LRRC7: variants seen among roughly 807,000 people sequenced by gnomAD.
LRRC7 encodes the protein leucine-rich repeat-containing protein 7.
Under a neutral mutation model 175.7 loss-of-function variants are expected in LRRC7, and 23 were observed. The ratio of observed to expected loss-of-function variants is 0.13; its 90% CI spans 0.09 to 0.19. The LOEUF (loss-of-function observed/expected upper bound fraction) is 0.19, where lower values mean the gene tolerates loss of function less well. Ranked by LOEUF, LRRC7 falls within the 10% of genes least tolerant of loss-of-function variation. The pLI is 1.00. For synonymous variants in LRRC7, 685 were observed against 680.9 expected, an observed-to-expected ratio of 1.01 and a Z score of -0.09; for missense variants, 1,354 against 1,904.7, an observed-to-expected ratio of 0.71 and a Z score of 5.38.
intron 11 of LRRC7, among the ~76,000 whole-genome samples, chr1:70,006,163 A>G (rs914351256): frequency 6.6e-6 from 1 of 152,202 alleles, no homozygotes; most frequent in Non-Finnish European, 1.5e-5. Flanking sequence ...GAGATCATTG[A>G]GGAATATGTG....
intron 4 of LRRC7, 25 bp downstream of exon 4, chr1:69,792,185 A>G (rs1357258708): frequency 7.8e-7 from 1 of 1,284,740 alleles, no homozygotes; most frequent in Non-Finnish European, 1.1e-6. Context: ...TCATCATAAA[A>G]TACCTAGAAT....
At chr1:69,606,861 A>T (rs1647670168) in intron 1 of LRRC7, 1 of 152,092 alleles carries the variant, frequency 6.6e-6, no homozygotes, top group Non-Finnish European at 1.5e-5. Flanking sequence ...ATTATTGGGA[A>T]ATAGAAGATT....
chr1:69,859,965 T>C (rs1684183103), intron 7 of LRRC7, among the ~76,000 whole-genome samples: 1 of 152,036 alleles, frequency 6.6e-6, no homozygotes, highest in Non-Finnish European at 1.5e-5. Flanking sequence ...ACTGAATATC[T>C]CTATTTCTAC....
At chr1:70,061,780 C>T (rs546254943) in intron 23 of LRRC7, among the ~76,000 whole-genome samples, 6 of 152,178 alleles carry the variant, frequency 3.9e-5, no homozygotes, top group South Asian at 4.1e-4. Context: ...TCTAGATCTA[C>T]GGAAATGCAA....
At chr1:69,882,652 T>G (rs901647390) in intron 7 of LRRC7, among the ~76,000 whole-genome samples, 71 of 151,536 alleles carry the variant, frequency 4.7e-4, no homozygotes, top group African/African-American at 1.7e-3. Flanking sequence ...TTAGGGTACA[T>G]GTGCACATTG....
intron 7 of LRRC7, among the ~76,000 whole-genome samples, chr1:69,910,061 A>G (rs1215297896): frequency 6.6e-6 from 1 of 152,130 alleles, no homozygotes; most frequent in Non-Finnish European, 1.5e-5. Context: ...AGTTGATCGC[A>G]TCGGCTCCTG....
chr1:70,126,778 A>G lies in LRRC7; in HGVS notation c.*4891A>G, dbSNP rs1261500187. Among the ~76,000 whole-genome samples, 1 of 152,180 alleles carries G rather than the reference A, an allele frequency of 6.6e-6. No homozygotes were observed. The highest frequency in any genetic ancestry group is 2.4e-5 in the African/African-American group (1 of 41,426). ...GGAAATCTATTTTCCAAGATGCACC[A>G]CTTGTACAAACTAAGGTAGATGCAA... is the stretch of plus-strand genomic sequence containing the variant. On this transcript the variant is annotated 3_prime_UTR_variant, in exon 27 of 27. Transcript: ENST00000651989.
At position 70,011,752 on chromosome 1, in the gene LRRC7, C is replaced by CT. The variant is rs762224789; in HGVS notation, c.1005-44dup. ...TATGTGGCTTTTTCAAAACATTTTG[C>CT]TATCTAACTTTTAAAATGTCTAACT... is the stretch of plus-strand genomic sequence containing the variant. On this transcript the variant is annotated intron_variant, in intron 11 of 26. Transcript: ENST00000651989. The CT allele has an allele frequency of 8.0e-6, 11 of 1,371,510 alleles. No homozygotes were observed. The South Asian group carries it at 1.4e-4, about 17-fold the overall frequency. 85.0% of individuals were successfully genotyped at this position (1,371,510 alleles called of 1,614,324 possible).
chr1:69,797,014 T>A (rs1675865437), intron 4 of LRRC7, among the ~76,000 whole-genome samples: 1 of 152,172 alleles, frequency 6.6e-6, no homozygotes, highest in Non-Finnish European at 1.5e-5. Context: ...TTAGAAGCTA[T>A]CTCATTTATT....
intron 7 of LRRC7, among the ~76,000 whole-genome samples, chr1:69,858,236 G>A (rs921084769): frequency 6.6e-6 from 1 of 152,064 alleles, no homozygotes; most frequent in African/African-American, 2.4e-5. Flanking sequence ...AAAAGCAATG[G>A]CAACAAAAGC....
chr1:69,976,936 T>C (rs137866290), intron 8 of LRRC7, among the ~76,000 whole-genome samples: 1 of 143,576 alleles, frequency 7.0e-6, no homozygotes, highest in Non-Finnish European at 1.6e-5. Context: ...TTCTCTAAGC[T>C]TCAGATTTTG....
At chr1:69,998,060 T>A (rs1284295005) in intron 11 of LRRC7, among the ~76,000 whole-genome samples, 1 of 152,216 alleles carries the variant, frequency 6.6e-6, no homozygotes. Context: ...AAGCTATTGA[T>A]TATTGCCACC....
chr1:69,937,673 A>G (rs1260360600), intron 8 of LRRC7, among the ~76,000 whole-genome samples: 1 of 151,988 alleles, frequency 6.6e-6, no homozygotes, highest in East Asian at 1.9e-4. Flanking sequence ...GTCTCTTTAA[A>G]TGTTTCCTTT....
rs993578771 is a variant in LRRC7 at position 69,691,618 on chromosome 1, C to T, written c.100+13140C>T. Among the ~76,000 whole-genome samples the T allele has an allele frequency of 3.3e-5, 5 of 151,828 alleles. 1 individual carries two copies. The highest frequency in any genetic ancestry group is 4.2e-4 in the South Asian group (2 of 4,806). ...CTTGAGATGGGCCTGAGCAACATGG[C>T]GAAACTCTGTCTCTACAAAAAGAAC... On this transcript the variant is annotated intron_variant, in intron 2 of 26. Transcript: ENST00000651989.
rs1666681124 is a variant in LRRC7 at position 70,131,956 on chromosome 1, A to G, written c.*10069A>G. Among the ~76,000 whole-genome samples the G allele has an allele frequency of 6.6e-6, 1 of 152,234 alleles. No individual in the cohort carries two copies. The highest frequency in any genetic ancestry group is 1.9e-4 in the East Asian group (1 of 5,204). ...GTAAGAGCATTTTAGAATAATGAGA[A>G]TAATGAGTGAGTAAGGAACAAGAAC... On this transcript the variant is annotated 3_prime_UTR_variant, in exon 27 of 27. Transcript: ENST00000651989.
At chr1:69,579,900 T>C (rs1019762540) in intron 1 of LRRC7, among the ~76,000 whole-genome samples, 2 of 151,452 alleles carry the variant, frequency 1.3e-5, no homozygotes, top group Non-Finnish European at 2.9e-5. Context: ...TCCCAAAGTG[T>C]TGGGCTTACA....
At chr1:70,077,817 G>A (rs376662376) in intron 24 of LRRC7, among the ~76,000 whole-genome samples, 17 of 152,232 alleles carry the variant, frequency 1.1e-4, no homozygotes, top group African/African-American at 3.4e-4. Flanking sequence ...CAGAAAAAAT[G>A]TATTTATAGT....
chr1:69,820,177 C>G (rs965209027), intron 4 of LRRC7, among the ~76,000 whole-genome samples: 4 of 150,958 alleles, frequency 2.6e-5, no homozygotes, highest in African/African-American at 9.7e-5. Context: ...TTATTTTTAT[C>G]TTCTGTGTAT....
At chr1:69,916,173 A>T (rs1300793734) in intron 7 of LRRC7, among the ~76,000 whole-genome samples, 27 of 18,378 alleles carry the variant, frequency 1.5e-3, no homozygotes, top group South Asian at 2.9e-3. Flanking sequence ...TTATATATAT[A>T]ATATATATTA....
Sources: gnomAD v4.1 joint callset for allele counts (sites outside exome capture counted in the v4.1 genomes callset) on GRCh38, gnomAD v4.1.1 for gene constraint, MANE v1.5 for transcripts, NCBI Gene and HGNC (gene_info 2026-07-23, HGNC 2026-07-21) for gene names.